LDLRAD3: variants seen among roughly 807,000 people sequenced by gnomAD.
LDLRAD3 encodes the protein low-density lipoprotein receptor class A domain-containing protein 3.
A neutral mutation model predicts 29.4 loss-of-function variants in LDLRAD3; 20 were observed. That is an observed-to-expected ratio of 0.68 (90% CI 0.48 to 0.99). LDLRAD3 has a LOEUF of 0.99. LDLRAD3 is among the 50% of genes least tolerant of loss of function. LDLRAD3 has a pLI of 0.00. For synonymous variants in LDLRAD3, 157 were observed against 192.7 expected, an observed-to-expected ratio of 0.81 and a Z score of 1.53; for missense variants, 420 against 454.3, an observed-to-expected ratio of 0.92 and a Z score of 0.69.
intron 1 of LDLRAD3, chr11:35,967,826 T>C: frequency 2.3e-6 from 1 of 431,960 alleles, no homozygotes; most frequent in South Asian, 1.7e-5. Context: ...GCTCCTGCCA[T>C]TGCAGTATCC....
chr11:35,953,336 G>C (rs1851161194), intron 1 of LDLRAD3, among the ~76,000 whole-genome samples: 1 of 152,204 alleles, frequency 6.6e-6, no homozygotes, highest in Admixed American at 6.5e-5. Flanking sequence ...TGGAATTTAT[G>C]AATAACTTGA....
chr11:36,157,127 G>A (rs1369487654), intron 4 of LDLRAD3, among the ~76,000 whole-genome samples: 1 of 152,194 alleles, frequency 6.6e-6, no homozygotes, highest in Non-Finnish European at 1.5e-5. Flanking sequence ...GTCTCCTGCT[G>A]GAAAGAGAGG....
intron 2 of LDLRAD3, among the ~76,000 whole-genome samples, chr11:36,061,125 G>A (rs975519031): frequency 6.6e-5 from 10 of 152,058 alleles, no homozygotes; most frequent in South Asian, 2.1e-4. Context: ...CCTCATTTAC[G>A]GTAAAGATGA....
intron 1 of LDLRAD3, among the ~76,000 whole-genome samples, chr11:35,987,358 A>G (rs1851628054): frequency 6.6e-6 from 1 of 152,230 alleles, no homozygotes; most frequent in Admixed American, 6.5e-5. Context: ...CCCATCACCC[A>G]GGTAGTGAGC....
chr11:35,947,815 A>G (rs895063620), intron 1 of LDLRAD3, among the ~76,000 whole-genome samples: 3 of 152,140 alleles, frequency 2.0e-5, no homozygotes, highest in South Asian at 2.1e-4. Context: ...CCATGCTTCC[A>G]TGCCTTTCCT....
intron 3 of LDLRAD3, among the ~76,000 whole-genome samples, chr11:36,097,545 G>A (rs1020748772): frequency 6.6e-6 from 1 of 152,082 alleles, no homozygotes; most frequent in Non-Finnish European, 1.5e-5. Flanking sequence ...TTTCGGGTGA[G>A]GCATTTAGCA....
chr11:36,012,581 A>G (rs12277103), intron 1 of LDLRAD3, among the ~76,000 whole-genome samples: 6,380 of 152,216 alleles, frequency 0.042, 427 homozygotes, highest in African/African-American at 0.15. Context: ...GATAACTGAG[A>G]CCGTTCTTAA....
intron 2 of LDLRAD3, among the ~76,000 whole-genome samples, chr11:36,057,682 T>C (rs1407311614): frequency 6.6e-6 from 1 of 152,238 alleles, no homozygotes; most frequent in Non-Finnish European, 1.5e-5. Context: ...TTCTACCTTC[T>C]TGGTCTTCCT....
At chr11:36,138,005 T>C (rs1854026722) in intron 4 of LDLRAD3, among the ~76,000 whole-genome samples, 1 of 152,340 alleles carries the variant, frequency 6.6e-6, no homozygotes, top group Non-Finnish European at 1.5e-5. Flanking sequence ...GGGTGGAATT[T>C]ACTGGGCCAT....
At chr11:36,049,212 C>T (rs1217999343) in intron 2 of LDLRAD3, among the ~76,000 whole-genome samples, 2 of 151,932 alleles carry the variant, frequency 1.3e-5, no homozygotes, top group South Asian at 2.1e-4. Context: ...CACAGAACAT[C>T]AAAAAAAATT....
In LDLRAD3 at chr11:36,213,822, C is replaced by T. The variant is rs1855316088; in HGVS notation, c.455-13263C>T. Among the ~76,000 whole-genome samples the T allele has an allele frequency of 6.6e-6, 1 of 152,144 alleles. No individual in the cohort carries two copies. Among genetic ancestry groups the T allele is most frequent in the Non-Finnish European group, 1.5e-5 (1 of 68,022 alleles). On this transcript the variant is annotated intron_variant, in intron 4 of 5. Coordinates refer to ENST00000315571, the MANE Select transcript of LDLRAD3 (RefSeq NM_174902.4). This position sits in a 1 kb window ranked among gnomAD's most constrained non-coding sequence, Gnocchi z 4.1. ...GCCCCTGTGAATCCCAACTGTTCTC[C>T]CTGCCTCCCTCTCAGCAGCGTTTTC...
chr11:36,118,937 A>C (rs1853713348), intron 4 of LDLRAD3, among the ~76,000 whole-genome samples: 1 of 152,122 alleles, frequency 6.6e-6, no homozygotes, highest in African/African-American at 2.4e-5. Flanking sequence ...ATAGAGTTAT[A>C]TAATATGTGT....
At chr11:36,057,101 C>T (rs768187729) in intron 2 of LDLRAD3, among the ~76,000 whole-genome samples, 1 of 152,144 alleles carries the variant, frequency 6.6e-6, no homozygotes, top group Non-Finnish European at 1.5e-5. Flanking sequence ...CTGGAGTCTT[C>T]AGTAAGCAGC....
intron 1 of LDLRAD3, among the ~76,000 whole-genome samples, chr11:35,945,018 G>A (rs910952906): frequency 6.6e-5 from 10 of 152,170 alleles, no homozygotes; most frequent in Non-Finnish European, 1.3e-4. Context: ...CCTGCCCGCC[G>A]CCCACAGCTG....
Position 35,993,908 on chromosome 11 carries a change from C to T in LDLRAD3, c.47-42195C>T, listed in dbSNP as rs181305631. On this transcript the variant is annotated intron_variant, in intron 1 of 5. Transcript: ENST00000315571. ...CTCTACCTCCTTAGTTAATTATGTG[C>T]ATAAATATTTGCTTCTCCAGGAAGG... 1.1e-4 allele frequency among the ~76,000 whole-genome samples: 17 copies of T among 152,192 alleles called. No individual in the cohort carries two copies. In the East Asian group the frequency reaches 2.7e-3, roughly 24 times the overall value.
At chr11:36,165,843 A>C (rs1442188702) in intron 4 of LDLRAD3, among the ~76,000 whole-genome samples, 1 of 149,824 alleles carries the variant, frequency 6.7e-6, no homozygotes, top group Non-Finnish European at 1.5e-5. Context: ...ATGATCACCC[A>C]GGTTTCAAAA....
chr11:36,218,811 A>C (rs1275489935), intron 4 of LDLRAD3, among the ~76,000 whole-genome samples: 1 of 152,252 alleles, frequency 6.6e-6, no homozygotes, highest in East Asian at 1.9e-4. Flanking sequence ...TGTAATAGCA[A>C]AAATGGGGAG....
At chr11:36,017,569 T>C (rs1852039616) in intron 1 of LDLRAD3, among the ~76,000 whole-genome samples, 1 of 148,790 alleles carries the variant, frequency 6.7e-6, no homozygotes, top group African/African-American at 2.5e-5. Context: ...CGCTCTGTTC[T>C]CCAGGCTGGA....
At chr11:36,144,720 C>T (rs1462607139) in intron 4 of LDLRAD3, among the ~76,000 whole-genome samples, 5 of 133,208 alleles carry the variant, frequency 3.8e-5, no homozygotes, top group African/African-American at 5.9e-5. Flanking sequence ...AAGTGAGGAG[C>T]GTCTCCGCCC....
Sources: allele counts gnomAD v4.1 joint callset (sites outside exome capture counted in the v4.1 genomes callset), GRCh38; gene constraint gnomAD v4.1.1; non-coding constraint Gnocchi (gnomAD v3.1); transcripts MANE v1.5; gene names NCBI Gene and HGNC (gene_info 2026-07-23, HGNC 2026-07-21).